FRAS1: variants seen among roughly 807,000 people sequenced by gnomAD.
FRAS1 encodes extracellular matrix organizing protein FRAS1.
Under a neutral mutation model 435.2 loss-of-function variants are expected in FRAS1, and 290 were observed. That is an observed-to-expected ratio of 0.67 (90% CI 0.61 to 0.73). The LOEUF (loss-of-function observed/expected upper bound fraction) is 0.73, where lower values mean the gene tolerates loss of function less well. FRAS1 is among the 30% of genes least tolerant of loss of function. FRAS1 has a pLI of 0.00. For missense variants in FRAS1, 4,860 were observed against 5,001.5 expected (o/e 0.97, Z 0.85); for synonymous variants, 1,800 against 1,851.0 (o/e 0.97, Z 0.71).
chr4:78,066,109 G>T, intron 2 of FRAS1, 93 bp downstream of exon 2: 1 of 862,592 alleles, frequency 1.2e-6, no homozygotes, highest in South Asian at 1.4e-5. Context: ...TATCATTGTA[G>T]AATATGTTTA....
chr4:78,276,219 A>AGGTTT, intron 9 of FRAS1, among the ~76,000 whole-genome samples: 1 of 152,112 alleles, frequency 6.6e-6, no homozygotes, highest in East Asian at 1.9e-4. Flanking sequence ...CATTTGTCTA[A>AGGTTT]TCTTTTTTCA....
chr4:78,203,715 T>C (rs1385229498), intron 2 of FRAS1, among the ~76,000 whole-genome samples: 1 of 152,112 alleles, frequency 6.6e-6, no homozygotes, highest in Admixed American at 6.5e-5. Flanking sequence ...TACAGGCGGC[T>C]GCCACCACGC....
chr4:78,320,672 T>C (rs1729469045), intron 18 of FRAS1, among the ~76,000 whole-genome samples: 1 of 152,110 alleles, frequency 6.6e-6, no homozygotes. Context: ...TCTCTCTCTC[T>C]CTCTCTCTCC....
At chr4:78,323,568 G>A (rs2110244376) in intron 18 of FRAS1, among the ~76,000 whole-genome samples, 1 of 152,260 alleles carries the variant, frequency 6.6e-6, no homozygotes, top group South Asian at 2.1e-4. Flanking sequence ...ATGCCTCTGT[G>A]GGTGTCAATC....
At chr4:78,101,166 C>T (rs975060671) in intron 2 of FRAS1, among the ~76,000 whole-genome samples, 4 of 151,802 alleles carry the variant, frequency 2.6e-5, no homozygotes, top group African/African-American at 9.7e-5. Flanking sequence ...GGACCTTACT[C>T]CACAGATCTG....
intron 14 of FRAS1, among the ~76,000 whole-genome samples, chr4:78,300,426 C>G (rs1239256338): frequency 3.9e-5 from 6 of 151,980 alleles, no homozygotes; most frequent in African/African-American, 1.4e-4. Context: ...AGAAATGGGC[C>G]CTGCCCTCAT....
intron 51 of FRAS1, among the ~76,000 whole-genome samples, chr4:78,470,454 A>G (rs80054267): frequency 0.012 from 1,812 of 152,284 alleles, 29 homozygotes; most frequent in African/African-American, 0.042. Context: ...GTCATCACTA[A>G]GTGGTTGCTA....
At chr4:78,330,149 T>C (rs907226472) in intron 18 of FRAS1, among the ~76,000 whole-genome samples, 1 of 152,208 alleles carries the variant, frequency 6.6e-6, no homozygotes, top group Admixed American at 6.5e-5. Flanking sequence ...ATTTATTAGT[T>C]CCCCAAATTA....
At chr4:78,086,817 G>T (rs1249068404) in intron 2 of FRAS1, among the ~76,000 whole-genome samples, 1 of 152,136 alleles carries the variant, frequency 6.6e-6, no homozygotes, top group Non-Finnish European at 1.5e-5. Context: ...GGACCAGATG[G>T]ATTCACAGCC....
chr4:78,489,886 G>C (rs72871307), intron 59 of FRAS1, among the ~76,000 whole-genome samples: 131 of 142,970 alleles, frequency 9.2e-4, no homozygotes, highest in African/African-American at 3.1e-3. Flanking sequence ...GCAAATTGAA[G>C]TCAGCAGAGT....
At chr4:78,335,417 A>G (rs1010070353) in intron 19 of FRAS1, among the ~76,000 whole-genome samples, 6 of 152,214 alleles carry the variant, frequency 3.9e-5, no homozygotes, top group African/African-American at 1.2e-4. Context: ...TCCTGGAATG[A>G]GTATTTCAAG....
At chr4:78,087,747 T>A (rs1348727330) in intron 2 of FRAS1, among the ~76,000 whole-genome samples, 1 of 152,132 alleles carries the variant, frequency 6.6e-6, no homozygotes, top group Non-Finnish European at 1.5e-5. Flanking sequence ...CAAGGAGAAC[T>A]ACAAACCACT....
At chr4:78,427,734 A>G (rs1245220909) in intron 35 of FRAS1, among the ~76,000 whole-genome samples, 1 of 152,252 alleles carries the variant, frequency 6.6e-6, no homozygotes, top group African/African-American at 2.4e-5. Context: ...TACCTTCAAT[A>G]GGGCTGTTTC....
chr4:78,278,640 C>T lies in FRAS1; in HGVS notation c.982-15C>T, dbSNP rs1486885293. The T allele has an allele frequency of 6.8e-7, 1 of 1,470,750 alleles. No homozygotes were observed. Among genetic ancestry groups the T allele is most frequent in the Non-Finnish European group, 9.5e-7 (1 of 1,049,986 alleles). 91.1% of individuals were successfully genotyped at this position (1,470,750 alleles called of 1,614,324 possible). On this transcript the variant is annotated splice_polypyrimidine_tract_variant and intron_variant, in intron 9 of 73. Transcript: ENST00000512123. ...GTTAATTTGATATGTGCCACTGCAA[C>T]CCTTATTTCTACAGGATGAAGAATT...
chr4:78,310,561 C>G (rs1404674721), intron 15 of FRAS1, among the ~76,000 whole-genome samples: 1 of 152,216 alleles, frequency 6.6e-6, no homozygotes, highest in Non-Finnish European at 1.5e-5. Flanking sequence ...CAAGTAATTA[C>G]TAAACACGTC....
chr4:78,428,031 G>A (rs1734061559), intron 35 of FRAS1, among the ~76,000 whole-genome samples: 1 of 152,172 alleles, frequency 6.6e-6, no homozygotes, highest in Admixed American at 6.5e-5. Flanking sequence ...ACACATTGAT[G>A]AGCTGATGAT....
intron 69 of FRAS1, among the ~76,000 whole-genome samples, chr4:78,523,392 G>C (rs1289017872): frequency 6.6e-6 from 1 of 151,986 alleles, no homozygotes; most frequent in African/African-American, 2.4e-5. Context: ...CCCATGTGTC[G>C]TTTACAAGAT....
chr4:78,120,607 C>A (rs192599194), intron 2 of FRAS1, among the ~76,000 whole-genome samples: 1 of 152,246 alleles, frequency 6.6e-6, no homozygotes, highest in African/African-American at 2.4e-5. Flanking sequence ...AACCACAGCC[C>A]AGGCCAGTCT....
chr4:78,123,248 GC>G (rs1446804168), intron 2 of FRAS1, among the ~76,000 whole-genome samples: 1 of 152,168 alleles, frequency 6.6e-6, no homozygotes, highest in Non-Finnish European at 1.5e-5. Flanking sequence ...TTTCCCCATT[GC>G]TTTTATGTGT....
Sources: allele counts gnomAD v4.1 joint callset (sites outside exome capture counted in the v4.1 genomes callset), GRCh38; gene constraint gnomAD v4.1.1; transcripts MANE v1.5; gene names NCBI Gene and HGNC (gene_info 2026-07-23, HGNC 2026-07-21).